Variants in CFHR2 observed in about 807,000 individuals in gnomAD.
CFHR2 encodes complement factor H-related protein 2.
In CFHR2, 22 loss-of-function variants were observed where a neutral mutation model predicts 21.7. The observed-to-expected ratio is 1.01, with a 90% CI of 0.72 to 1.45. CFHR2 has a LOEUF of 1.45. CFHR2 is among the 40% of genes most tolerant of loss of function. The probability of loss-of-function intolerance (pLI) is 0.00; values close to 1 mark genes in which losing one functional copy is unlikely to be tolerated. For synonymous variants in CFHR2, 98 were observed against 97.4 expected, an observed-to-expected ratio of 1.01 and a Z score of -0.04; for missense variants, 294 against 293.3, an observed-to-expected ratio of 1.00 and a Z score of -0.02.
chr1:196,944,966 T>C (rs1195035000), intron 1 of CFHR2, among the ~76,000 whole-genome samples: 3 of 149,888 alleles, frequency 2.0e-5, no homozygotes, highest in African/African-American at 7.4e-5. Flanking sequence ...AACTTCCATC[T>C]CCTGGGTTCA....
chr1:196,954,465 T>C (rs1163140042), intron 3 of CFHR2, among the ~76,000 whole-genome samples: 2 of 152,210 alleles, frequency 1.3e-5, no homozygotes, highest in African/African-American at 2.4e-5. Flanking sequence ...CATTCTGTGG[T>C]CTGGAGGAGA....
intron 3 of CFHR2, among the ~76,000 whole-genome samples, chr1:196,951,813 T>C (rs561521475): frequency 1.9e-4 from 29 of 152,094 alleles, no homozygotes; most frequent in Non-Finnish European, 3.2e-4. Flanking sequence ...AAGAAGACCA[T>C]TGAGTTCTTG....
At chr1:196,957,000 G>T (rs1224960296) in intron 3 of CFHR2, among the ~76,000 whole-genome samples, 1 of 152,136 alleles carries the variant, frequency 6.6e-6, no homozygotes, top group Non-Finnish European at 1.5e-5. Context: ...AGAAGTCTAG[G>T]TTCCTCAGTT....
chr1:196,949,007 GA>G (rs1383161641), intron 1 of CFHR2, among the ~76,000 whole-genome samples: 1 of 151,496 alleles, frequency 6.6e-6, no homozygotes, highest in Non-Finnish European at 1.5e-5. Flanking sequence ...TTCTGCACCA[GA>G]AAAAAAATAG....
At chr1:196,957,863 C>A in intron 3 of CFHR2, 28 bp from the exon 4 acceptor site, 1 of 1,588,864 alleles carries the variant, frequency 6.3e-7, no homozygotes. Flanking sequence ...TATTTACTCT[C>A]CCAGTAAATC....
At chr1:196,955,211 C>T (rs1465215730) in intron 3 of CFHR2, among the ~76,000 whole-genome samples, 1 of 152,188 alleles carries the variant, frequency 6.6e-6, no homozygotes, top group East Asian at 1.9e-4. Context: ...CAAATTGACA[C>T]TAGTCTCTTT....
At chr1:196,945,128 G>A (rs1659429286) in intron 1 of CFHR2, among the ~76,000 whole-genome samples, 1 of 144,156 alleles carries the variant, frequency 6.9e-6, no homozygotes, top group African/African-American at 2.6e-5. Flanking sequence ...TGCCTGCCTC[G>A]GCCTCCCACA....
rs777433521 is a variant in CFHR2, at chr1:196,958,034, T to C, written c.574T>C (p.Cys192Arg). 4 of 1,613,676 alleles carry C rather than the reference T, an allele frequency of 2.5e-6. No homozygotes were observed. The highest frequency in any genetic ancestry group is 1.1e-5 in the South Asian group (1 of 91,068). The change falls in exon 4 of 5, where the codon TGT (cysteine) becomes CGT (arginine). Residue 192 changes from cysteine (C) to arginine (R), a missense_variant. Coordinates refer to ENST00000367415, the MANE Select transcript of CFHR2 (RefSeq NM_005666.4). ...ACTTGAGGGTAACAATCAAATAACA[T>C]GTAGAAACGGACAATGGTCAGAACC... The part of the protein sequence containing the change: ...YQLEGNNQIT[C>R]RNGQWSEPPK...
In CFHR2 at chr1:196,959,179, T is replaced by C. The variant is rs1317353784; in HGVS notation, c.*99T>C. 4 of 877,730 alleles carry C rather than the reference T, an allele frequency of 4.6e-6. No homozygotes were observed. Among genetic ancestry groups the C allele is most frequent in the Non-Finnish European group, 6.8e-6 (4 of 587,320 alleles). The allele number at this position is 877,730 out of a possible 1,614,324, so 54.4% of individuals were successfully genotyped here. ...TTTTCAAGTACTGTTTTACTCATTTTTATTCATAAATAAAGTTTTGTGTTG... is the reference window on the plus strand; with the variant it reads ...TTTTCAAGTACTGTTTTACTCATTTCTATTCATAAATAAAGTTTTGTGTTG... On this transcript the variant is annotated 3_prime_UTR_variant, in exon 5 of 5. Coordinates refer to ENST00000367415, the MANE Select transcript of CFHR2 (RefSeq NM_005666.4).
chr1:196,953,447 T>C (rs189096621), intron 3 of CFHR2, among the ~76,000 whole-genome samples: 14 of 152,242 alleles, frequency 9.2e-5, no homozygotes, highest in South Asian at 2.1e-4. Context: ...CACACCCAGC[T>C]AATTTTTGTA....
intron 3 of CFHR2, among the ~76,000 whole-genome samples, chr1:196,952,523 G>A (rs1652652276): frequency 6.6e-6 from 1 of 152,160 alleles, no homozygotes; most frequent in Non-Finnish European, 1.5e-5. Context: ...TCATGAACAA[G>A]CTCTCTTCAT....
chr1:196,944,566 G>A (rs573532198), intron 1 of CFHR2, among the ~76,000 whole-genome samples: 237 of 150,500 alleles, frequency 1.6e-3, no homozygotes, highest in African/African-American at 5.7e-3. Context: ...TTTTATAAAT[G>A]GTCCCATTTT....
In CFHR2 at chr1:196,958,045, A is replaced by T; in HGVS notation, c.585A>T (p.Gly195=). ...ACAATCAAATAACATGTAGAAACGGACAATGGTCAGAACCACCAAAATGCT... is the reference window on the plus strand; with the variant it reads ...ACAATCAAATAACATGTAGAAACGGTCAATGGTCAGAACCACCAAAATGCT... ...EGNNQITCRN[G]QWSEPPKCLD... Residue 195 remains glycine, a synonymous_variant, in exon 4 of 5, where the codon GGA becomes GGT. Transcript: ENST00000367415. 6.2e-7 allele frequency: 1 copy of T among 1,613,664 alleles called. No homozygotes were observed. Among genetic ancestry groups the T allele is most frequent in the Non-Finnish European group, 8.5e-7 (1 of 1,179,652 alleles).
At chr1:196,949,047 A>G (rs1244439890) in intron 1 of CFHR2, among the ~76,000 whole-genome samples, 1 of 152,158 alleles carries the variant, frequency 6.6e-6, no homozygotes, top group Non-Finnish European at 1.5e-5. Context: ...GATACCTATG[A>G]CAGTCAATGA....
At chr1:196,947,481 A>T (rs1334969359) in intron 1 of CFHR2, among the ~76,000 whole-genome samples, 1 of 152,202 alleles carries the variant, frequency 6.6e-6, no homozygotes, top group African/African-American at 2.4e-5. Context: ...TAATACTATC[A>T]AGATGGGAGT....
intron 1 of CFHR2, among the ~76,000 whole-genome samples, chr1:196,945,258 TTCTTAAG>T (rs976510730): frequency 6.7e-6 from 1 of 149,642 alleles, no homozygotes; most frequent in Non-Finnish European, 1.5e-5. Context: ...TATTTGATTT[TTCTTAAG>T]TCTGTGTTTA....
Position 196,957,898 on chromosome 1 carries a change from A to C in CFHR2, c.438A>C (p.Ala146=). 6.2e-7 allele frequency: 1 copy of C among 1,609,694 alleles called. No individual in the cohort carries two copies. Among genetic ancestry groups the C allele is most frequent in the South Asian group, 1.1e-5 (1 of 89,976 alleles). ...CAAATGATGTTTTTTTAGTTTCTGC[A>C]GAAAAATGTGGGCCCCCTCCACCTA... The part of the protein sequence containing the change: ...TPPKCRSTIS[A]EKCGPPPPID... The change falls in exon 4 of 5, where the codon GCA becomes GCC. Residue 146 remains alanine (A), a synonymous_variant. Coordinates refer to ENST00000367415, the MANE Select transcript of CFHR2 (RefSeq NM_005666.4).
Position 196,957,882 on chromosome 1 carries a change from T to C in CFHR2, c.431-9T>C. Reference sequence around the variant, plus strand: ...TACTCTCCCAGTAAATCAAATGATGTTTTTTTAGTTTCTGCAGAAAAATGT... The same window carrying C: ...TACTCTCCCAGTAAATCAAATGATGCTTTTTTAGTTTCTGCAGAAAAATGT... On this transcript the variant is annotated splice_polypyrimidine_tract_variant and intron_variant, in intron 3 of 4. Coordinates refer to ENST00000367415, the MANE Select transcript of CFHR2 (RefSeq NM_005666.4). 6.2e-7 allele frequency: 1 copy of C among 1,606,658 alleles called. No homozygotes were observed. The highest frequency in any genetic ancestry group is 8.5e-7 in the Non-Finnish European group (1 of 1,176,108).
chr1:196,946,652 C>G (rs150422942), intron 1 of CFHR2, among the ~76,000 whole-genome samples: 1 of 152,170 alleles, frequency 6.6e-6, no homozygotes, highest in Non-Finnish European at 1.5e-5. Flanking sequence ...CTTCTTCCTC[C>G]GCTCTTGTCC....
Sources: allele counts gnomAD v4.1 joint callset (sites outside exome capture counted in the v4.1 genomes callset), GRCh38; gene constraint gnomAD v4.1.1; transcripts MANE v1.5; gene names NCBI Gene and HGNC (gene_info 2026-07-23, HGNC 2026-07-21).